DYNC2LI1: variants seen among roughly 807,000 people sequenced by gnomAD.
The protein encoded by DYNC2LI1 is dynein cytoplasmic 2 light intermediate chain 1, also known as cytoplasmic dynein 2 light intermediate chain 1.
DYNC2LI1 carries 45 observed loss-of-function variants against 51.9 expected under a neutral mutation model. That is an observed-to-expected ratio of 0.87 (90% CI 0.68 to 1.11). The LOEUF is 1.11. DYNC2LI1 is among the 50% of genes most tolerant of loss of function. DYNC2LI1 has a pLI of 0.00. For synonymous variants in DYNC2LI1, 130 were observed against 137.8 expected (o/e 0.94, Z 0.40); for missense variants, 490 against 417.4 (o/e 1.17, Z -1.51).
chr2:43,798,452 C>G (rs200002867), intron 8 of DYNC2LI1, among the ~76,000 whole-genome samples: 46 of 107,614 alleles, frequency 4.3e-4, no homozygotes, highest in African/African-American at 2.4e-3. Context: ...ATCGAGGGTA[C>G]AGAGGTAAAG....
intron 3 of DYNC2LI1, among the ~76,000 whole-genome samples, chr2:43,784,238 G>A (rs768305441): frequency 1.8e-4 from 28 of 152,116 alleles, no homozygotes; most frequent in Non-Finnish European, 3.4e-4. Context: ...CTGCTTTTGT[G>A]TAATTCCTTT....
the DYNC2LI1 span, among the ~76,000 whole-genome samples, chr2:43,822,133 A>G: frequency 6.6e-6 from 1 of 152,160 alleles, no homozygotes. Flanking sequence ...CCTACCCTGT[A>G]ACACCAAGTT....
At chr2:43,799,802 G>GT in intron 8 of DYNC2LI1, among the ~76,000 whole-genome samples, 1 of 152,288 alleles carries the variant, frequency 6.6e-6, no homozygotes, top group South Asian at 2.1e-4. Context: ...AAACAGAGCA[G>GT]TTATATTTCT....
At chr2:43,780,859 C>G (rs553451259) in intron 2 of DYNC2LI1, among the ~76,000 whole-genome samples, 1 of 152,130 alleles carries the variant, frequency 6.6e-6, no homozygotes, top group South Asian at 2.1e-4. Context: ...TTGATGGTCT[C>G]TAAATGAACT....
the DYNC2LI1 span, among the ~76,000 whole-genome samples, chr2:43,817,554 G>A: frequency 6.6e-6 from 1 of 151,878 alleles, no homozygotes; most frequent in Non-Finnish European, 1.5e-5. Context: ...TAATACAAAT[G>A]CTTCTTATGA....
At chr2:43,801,856 G>T in intron 10 of DYNC2LI1, 147 bp downstream of exon 10, 1 of 582,462 alleles carries the variant, frequency 1.7e-6, no homozygotes, top group Non-Finnish European at 3.0e-6. Flanking sequence ...TATATGCCCA[G>T]TATTAATGTA....
At chr2:43,782,785 C>G (rs1299176421) in intron 2 of DYNC2LI1, among the ~76,000 whole-genome samples, 1 of 152,008 alleles carries the variant, frequency 6.6e-6, no homozygotes, top group Non-Finnish European at 1.5e-5. Context: ...AGTTCAAGAC[C>G]AGCCTAGCCA....
the DYNC2LI1 span, chr2:43,825,097 C>T: frequency 6.4e-7 from 1 of 1,557,924 alleles, no homozygotes; most frequent in Non-Finnish European, 8.8e-7. Flanking sequence ...AACACTGATG[C>T]AGGGCCAAGG....
At chr2:43,794,911 G>T in intron 6 of DYNC2LI1, 1 of 1,354,510 alleles carries the variant, frequency 7.4e-7, no homozygotes, top group Non-Finnish European at 9.5e-7. Flanking sequence ...TAAAGTAGTG[G>T]TTTGATATTG....
At chr2:43,787,135 A>C (rs764101174) in intron 3 of DYNC2LI1, 46 bp from the exon 4 acceptor site, 78 of 1,500,084 alleles carry the variant, frequency 5.2e-5, no homozygotes, top group Non-Finnish European at 6.7e-5. Context: ...AGCATAAGAA[A>C]CTAATACCAC....
At position 43,792,961 on chromosome 2, in the gene DYNC2LI1, A is replaced by G. The variant is rs555127765; in HGVS notation, c.321-1496A>G. 1,182 of 614,332 alleles carry G rather than the reference A, an allele frequency of 1.9e-3. 6 individuals carry two copies. The highest frequency in any genetic ancestry group is 0.014 in the South Asian group (453 of 31,274). 38.1% of individuals were successfully genotyped at this position (614,332 alleles called of 1,614,324 possible). ...TATTGTGAGTAATGCTGGTATGAAC[A>G]TTGGTGTACATTATCTGTTTAAATC... On this transcript the variant is annotated intron_variant, in intron 5 of 12. Transcript: ENST00000260605.
At chr2:43,799,216 T>C (rs1665991923) in intron 8 of DYNC2LI1, among the ~76,000 whole-genome samples, 1 of 152,126 alleles carries the variant, frequency 6.6e-6, no homozygotes. Context: ...CAGGGACGAT[T>C]GCCTGAGCCT....
At chr2:43,799,741 T>A (rs1357742360) in intron 8 of DYNC2LI1, among the ~76,000 whole-genome samples, 1 of 152,200 alleles carries the variant, frequency 6.6e-6, no homozygotes, top group Non-Finnish European at 1.5e-5. Context: ...CTATCTTCTA[T>A]GAAATATGTT....
chr2:43,785,537 C>T (rs1460394649), intron 3 of DYNC2LI1, among the ~76,000 whole-genome samples: 1 of 151,862 alleles, frequency 6.6e-6, no homozygotes, highest in African/African-American at 2.4e-5. Flanking sequence ...AGTTCGAGAT[C>T]AGCCTGGCCA....
At chr2:43,778,733 C>G (rs925050760) in intron 2 of DYNC2LI1, among the ~76,000 whole-genome samples, 5 of 152,168 alleles carry the variant, frequency 3.3e-5, no homozygotes, top group African/African-American at 1.2e-4. Flanking sequence ...CCAGTATCCT[C>G]TTAGCGCTCT....
At chr2:43,826,894 T>G in the DYNC2LI1 span, among the ~76,000 whole-genome samples, 1 of 152,202 alleles carries the variant, frequency 6.6e-6, no homozygotes, top group Non-Finnish European at 1.5e-5. Flanking sequence ...CAACCCCATT[T>G]CATGTCTGTA....
At position 43,789,735 on chromosome 2, in the gene DYNC2LI1, C is replaced by T. The variant is rs1673691488; in HGVS notation, c.320+14C>T. 6 of 1,609,554 alleles carry T rather than the reference C, an allele frequency of 3.7e-6. No homozygotes were observed. In the East Asian group the frequency reaches 1.3e-4, roughly 36 times the overall value. Reference sequence around the variant, plus strand: ...TGACACCTTACGGTAAGTGAGCCAGCTCCAGGAAAACCTGTAAGTACACAG... The same window carrying T: ...TGACACCTTACGGTAAGTGAGCCAGTTCCAGGAAAACCTGTAAGTACACAG... On this transcript the variant is annotated intron_variant, in intron 5 of 12. Coordinates refer to ENST00000260605, the MANE Select transcript of DYNC2LI1 (RefSeq NM_016008.4).
chr2:43,812,720 C>G, downstream of DYNC2LI1: 1 of 202,722 alleles, frequency 4.9e-6, no homozygotes, highest in East Asian at 1.3e-4. Context: ...CACTTATGGT[C>G]AGGAATCCTT....
chr2:43,789,602 C>T, intron 4 of DYNC2LI1, 31 bp from the exon 5 acceptor site: 1 of 1,594,488 alleles, frequency 6.3e-7, no homozygotes. Context: ...AGTACTTAAA[C>T]TTCAAAAAAT....
Sources: gnomAD v4.1 joint callset for allele counts (sites outside exome capture counted in the v4.1 genomes callset) on GRCh38, gnomAD v4.1.1 for gene constraint, MANE v1.5 for transcripts, NCBI Gene and HGNC (gene_info 2026-07-23, HGNC 2026-07-21) for gene names.